EYS: variants seen among roughly 807,000 people sequenced by gnomAD.
EYS encodes protein eyes shut homolog.
In EYS, 250 loss-of-function variants were observed where a neutral mutation model predicts 282.1. The observed-to-expected ratio is 0.89, with a 90% CI of 0.80 to 0.98. EYS has a LOEUF of 0.98. Ranked by LOEUF, EYS falls within the 50% of genes least tolerant of loss-of-function variation. The pLI, the probability that EYS is intolerant of heterozygous loss-of-function variation, is 0.00. For synonymous variants in EYS, 1,355 were observed against 1,282.9 expected (o/e 1.06, Z -1.20); for missense variants, 4,016 against 3,709.0 (o/e 1.08, Z -2.15).
chr6:65,449,458 T>A (rs1050921502), intron 5 of EYS, among the ~76,000 whole-genome samples: 3 of 152,104 alleles, frequency 2.0e-5, no homozygotes, highest in African/African-American at 4.8e-5. Context: ...TCAAACCTTA[T>A]AAATTTCTAT....
chr6:65,356,687 G>A (rs1390071505), intron 8 of EYS, among the ~76,000 whole-genome samples: 1 of 152,010 alleles, frequency 6.6e-6, no homozygotes, highest in Non-Finnish European at 1.5e-5. Context: ...TGGATTTAGA[G>A]GGAGTTATTT....
chr6:64,766,669 T>A (rs1346356384), intron 22 of EYS, among the ~76,000 whole-genome samples: 19 of 92,026 alleles, frequency 2.1e-4, no homozygotes, highest in Admixed American at 4.6e-4. Context: ...TATATATATA[T>A]ATATATATAT....
intron 22 of EYS, among the ~76,000 whole-genome samples, chr6:64,756,521 A>G (rs1424373755): frequency 6.6e-6 from 1 of 152,194 alleles, no homozygotes; most frequent in Non-Finnish European, 1.5e-5. Flanking sequence ...GTGCTGATTT[A>G]TCAAGCACAT....
intron 12 of EYS, among the ~76,000 whole-genome samples, chr6:65,258,209 C>A (rs770464109): frequency 6.6e-6 from 1 of 151,676 alleles, no homozygotes; most frequent in Non-Finnish European, 1.5e-5. Flanking sequence ...ATATCATTTT[C>A]CAGTTAGTGA....
At chr6:65,252,585 T>C (rs1767353961) in intron 12 of EYS, among the ~76,000 whole-genome samples, 1 of 151,918 alleles carries the variant, frequency 6.6e-6, no homozygotes, top group Admixed American at 6.6e-5. Flanking sequence ...ATTCAACATA[T>C]GAAGAACCAG....
chr6:64,888,521 T>C (rs1467275008), intron 18 of EYS, among the ~76,000 whole-genome samples: 1 of 151,988 alleles, frequency 6.6e-6, no homozygotes, highest in Non-Finnish European at 1.5e-5. Flanking sequence ...TTGTATCAGT[T>C]GGACAGAAGG....
At chr6:64,490,121 A>C (rs548082464) in intron 26 of EYS, among the ~76,000 whole-genome samples, 1 of 150,944 alleles carries the variant, frequency 6.6e-6, no homozygotes, top group Non-Finnish European at 1.5e-5. Flanking sequence ...GAAGTGAACA[A>C]TAGGTATCCT....
chr6:64,911,227 C>A (rs1767981755), intron 16 of EYS, among the ~76,000 whole-genome samples: 1 of 152,134 alleles, frequency 6.6e-6, no homozygotes, highest in South Asian at 2.1e-4. Flanking sequence ...TTTTTCTGGG[C>A]ATCAAATGCT....
At chr6:65,230,859 T>C (rs558512933) in intron 12 of EYS, among the ~76,000 whole-genome samples, 4 of 151,556 alleles carry the variant, frequency 2.6e-5, no homozygotes, top group Admixed American at 2.6e-4. Flanking sequence ...TTCATTGTGT[T>C]ACATGGCATG....
intron 8 of EYS, among the ~76,000 whole-genome samples, chr6:65,380,284 T>C (rs577409897): frequency 6.6e-6 from 1 of 152,154 alleles, no homozygotes; most frequent in South Asian, 2.1e-4. Context: ...TATAGACCAA[T>C]GGAACACAAC....
intron 26 of EYS, among the ~76,000 whole-genome samples, chr6:64,465,322 A>G (rs1268623172): frequency 6.6e-6 from 1 of 152,166 alleles, no homozygotes; most frequent in Non-Finnish European, 1.5e-5. Context: ...TTCAGCAAAA[A>G]GAACAAAGCT....
intron 33 of EYS, 63 bp downstream of exon 33, chr6:64,066,275 C>A: frequency 6.9e-7 from 1 of 1,441,244 alleles, no homozygotes; most frequent in Non-Finnish European, 9.4e-7. Flanking sequence ...AAGACTCCAT[C>A]TCAAAACAAA....
intron 35 of EYS, among the ~76,000 whole-genome samples, chr6:63,922,529 C>G (rs1764601615): frequency 6.6e-6 from 1 of 152,098 alleles, no homozygotes; most frequent in Non-Finnish European, 1.5e-5. Context: ...TGCCACTGCA[C>G]TCCAGCCTGG....
chr6:65,030,603 G>A (rs375877115), intron 13 of EYS, among the ~76,000 whole-genome samples: 2 of 152,276 alleles, frequency 1.3e-5, no homozygotes, highest in East Asian at 3.9e-4. Context: ...AAGCATGTTG[G>A]CTGACAGATT....
intron 15 of EYS, among the ~76,000 whole-genome samples, chr6:64,919,853 C>A (rs1191476977): frequency 6.6e-6 from 1 of 152,076 alleles, no homozygotes; most frequent in African/African-American, 2.4e-5. Context: ...TCAGAATATT[C>A]CTCGTTTCAT....
At chr6:65,306,466 C>T (rs897185888) in intron 11 of EYS, among the ~76,000 whole-genome samples, 4 of 152,054 alleles carry the variant, frequency 2.6e-5, no homozygotes, top group South Asian at 2.1e-4. Context: ...GGTTTCACCA[C>T]GGATTTTCTA....
At chr6:64,182,910 G>A (rs1260469108) in intron 31 of EYS, among the ~76,000 whole-genome samples, 1 of 152,066 alleles carries the variant, frequency 6.6e-6, no homozygotes. Context: ...GGCCTTGGCT[G>A]ACACAGCACT....
intron 26 of EYS, among the ~76,000 whole-genome samples, chr6:64,514,301 A>G (rs1777496561): frequency 6.6e-6 from 1 of 151,886 alleles, no homozygotes. Context: ...TCATTAGGAT[A>G]TTAGTTATCA....
chr6:64,721,762 T>C (rs547309365), intron 22 of EYS, among the ~76,000 whole-genome samples: 3 of 152,314 alleles, frequency 2.0e-5, no homozygotes, highest in Non-Finnish European at 4.4e-5. Flanking sequence ...TTTTATAGAA[T>C]AATGATTGGC....
Sources: allele counts gnomAD v4.1 joint callset (sites outside exome capture counted in the v4.1 genomes callset), GRCh38; gene constraint gnomAD v4.1.1; transcripts MANE v1.5; gene names NCBI Gene and HGNC (gene_info 2026-07-23, HGNC 2026-07-21).